SMG7: variants seen among roughly 807,000 people sequenced by gnomAD.
SMG7 encodes the protein SMG7 nonsense mediated mRNA decay factor, also known as nonsense-mediated mRNA decay factor SMG7.
In SMG7, 34 loss-of-function variants were observed where a neutral mutation model predicts 148.2. The observed-to-expected ratio is 0.23, with a 90% CI of 0.17 to 0.31. The LOEUF (loss-of-function observed/expected upper bound fraction) is 0.31, where lower values mean the gene tolerates loss of function less well. Ranked by LOEUF, SMG7 falls within the 10% of genes least tolerant of loss-of-function variation. The pLI, the probability that SMG7 is intolerant of heterozygous loss-of-function variation, is 1.00. For missense variants in SMG7, 1,114 were observed against 1,408.4 expected (o/e 0.79, Z 3.35); for synonymous variants, 492 against 515.1 (o/e 0.96, Z 0.61).
intron 7 of SMG7, 116 bp downstream of exon 7, chr1:183,529,158 CAT>C (rs2102601653): frequency 9.5e-7 from 1 of 1,054,224 alleles, no homozygotes; most frequent in Non-Finnish European, 1.4e-6. Context: ...TATTTCTAAA[CAT>C]ATAGATTTTT....
At chr1:183,480,750 A>C (rs1653895280) in intron 1 of SMG7, among the ~76,000 whole-genome samples, 1 of 152,196 alleles carries the variant, frequency 6.6e-6, no homozygotes, top group Non-Finnish European at 1.5e-5. Flanking sequence ...GTTTAGCATC[A>C]AGATTTCATG....
intron 10 of SMG7, 50 bp from the exon 11 acceptor site, chr1:183,537,095 T>C (rs187449416): frequency 3.8e-5 from 49 of 1,303,804 alleles, no homozygotes; most frequent in Non-Finnish European, 4.9e-5. Context: ...ATTAGTGTTC[T>C]GGTTTCTCTT....
chr1:183,499,454 G>A (rs926552172), intron 1 of SMG7, among the ~76,000 whole-genome samples: 5 of 152,132 alleles, frequency 3.3e-5, no homozygotes, highest in East Asian at 1.9e-4. Context: ...TAGTGTAGTC[G>A]TAGATCATTA....
At chr1:183,501,926 T>G (rs1659821082) in intron 1 of SMG7, among the ~76,000 whole-genome samples, 1 of 152,216 alleles carries the variant, frequency 6.6e-6, no homozygotes, top group Admixed American at 6.5e-5. Context: ...TCTGCTTCTG[T>G]GTTCTACAGG....
At chr1:183,526,538 AACT>A in intron 4 of SMG7, 55 bp from the exon 5 acceptor site, 3 of 1,174,990 alleles carry the variant, frequency 2.6e-6, no homozygotes, top group Non-Finnish European at 3.7e-6. Context: ...ACAGTTTATA[AACT>A]TTACTTTTAG....
chr1:183,482,457 A>G (rs572896979), intron 1 of SMG7, among the ~76,000 whole-genome samples: 1 of 152,058 alleles, frequency 6.6e-6, no homozygotes, highest in South Asian at 2.1e-4. Context: ...AAAAATAGCT[A>G]TTTGGAACAT....
rs1309808966 is a variant in SMG7 at position 183,542,500 on chromosome 1, C to A, written c.1840C>A (p.Gln614Lys). ...QETGKQNVAVQVKSQTELRKT... is the reference protein window; with the variant it reads ...QETGKQNVAVKVKSQTELRKT... ...AACAGGAAAGCAGAATGTGGCAGTG[C>A]AGGTAAGCTGTATTTGAACTATAAA... The change falls in exon 14 of 23, where the codon CAG becomes AAG. Residue 614 changes from glutamine to lysine, a missense_variant and splice_region_variant. Physicochemically the swap from Gln to Lys is moderately conservative, Grantham distance 53 (BLOSUM62 1). Coordinates refer to ENST00000688051, the MANE Select transcript of SMG7 (RefSeq NM_001375584.1). 3 of 1,610,524 alleles carry A rather than the reference C, an allele frequency of 1.9e-6. No homozygotes were observed. Among genetic ancestry groups the A allele is most frequent in the Non-Finnish European group, 2.5e-6 (3 of 1,178,472 alleles).
At chr1:183,472,710 A>G in intron 1 of SMG7, 61 bp downstream of exon 1, 1 of 1,379,876 alleles carries the variant, frequency 7.2e-7, no homozygotes, top group Non-Finnish European at 9.5e-7. Flanking sequence ...GGCATGGAGC[A>G]ACAGACACCG....
chr1:183,511,838 T>C (rs908745284), intron 1 of SMG7, among the ~76,000 whole-genome samples: 1 of 152,186 alleles, frequency 6.6e-6, no homozygotes, highest in Non-Finnish European at 1.5e-5. Context: ...ATTCAAGATA[T>C]AGTTAGTAGA....
At chr1:183,494,722 C>T (rs1304051862) in intron 1 of SMG7, among the ~76,000 whole-genome samples, 2 of 98,088 alleles carry the variant, frequency 2.0e-5, no homozygotes, top group Admixed American at 1.0e-4. Context: ...TCTGGCTTGT[C>T]TTTTTTCTGA....
At chr1:183,517,653 C>T in intron 3 of SMG7, 35 bp from the exon 4 acceptor site, 4 of 1,612,136 alleles carry the variant, frequency 2.5e-6, no homozygotes, top group Non-Finnish European at 3.4e-6. Context: ...CAGTGAGTCA[C>T]TGCTATACCA....
intron 1 of SMG7, among the ~76,000 whole-genome samples, chr1:183,498,902 C>T (rs1015075713): frequency 6.6e-6 from 1 of 152,196 alleles, no homozygotes; most frequent in Non-Finnish European, 1.5e-5. Flanking sequence ...CTTTGCTCCA[C>T]CTGTTCATTC....
At chr1:183,481,716 G>A (rs1352534317) in intron 1 of SMG7, among the ~76,000 whole-genome samples, 2 of 152,180 alleles carry the variant, frequency 1.3e-5, no homozygotes, top group African/African-American at 4.8e-5. Context: ...TAAATACAGT[G>A]TGAAATGTTT....
intron 1 of SMG7, among the ~76,000 whole-genome samples, chr1:183,498,797 C>G (rs1659123779): frequency 6.6e-6 from 1 of 152,164 alleles, no homozygotes; most frequent in Non-Finnish European, 1.5e-5. Context: ...ATAGTTCACT[C>G]TTGGTGTTGT....
At chr1:183,503,079 C>T (rs1302745983) in intron 1 of SMG7, among the ~76,000 whole-genome samples, 1 of 152,314 alleles carries the variant, frequency 6.6e-6, no homozygotes, top group African/African-American at 2.4e-5. Context: ...GGGTGGAACC[C>T]AAGCTCTGCC....
rs761953616 is a variant in SMG7, at chr1:183,549,792, A to G, written c.3002A>G (p.Asn1001Ser). ...QERYPNNSMF[N>S]EVYGKNLTSS... ...AGATACCCAAATAATAGTATGTTCA[A>G]TGAGGTATATGGGAAAAACCTGACA... is the stretch of plus-strand genomic sequence containing the variant. The change falls in exon 20 of 23, where the codon AAT becomes AGT. Residue 1001 changes from asparagine (N) to serine (S), a missense_variant. Coordinates refer to ENST00000688051, the MANE Select transcript of SMG7 (RefSeq NM_001375584.1). The G allele has an allele frequency of 3.1e-6, 5 of 1,613,850 alleles. No homozygotes were observed. The highest frequency in any genetic ancestry group is 1.3e-5 in the African/African-American group (1 of 75,024).
intron 1 of SMG7, among the ~76,000 whole-genome samples, chr1:183,494,457 C>G (rs1657895935): frequency 6.7e-6 from 1 of 149,756 alleles, no homozygotes; most frequent in South Asian, 2.1e-4. Context: ...CATATATTTA[C>G]TATTTCTGGC....
intron 1 of SMG7, among the ~76,000 whole-genome samples, chr1:183,480,738 GC>G (rs1252967128): frequency 1.3e-5 from 2 of 152,154 alleles, no homozygotes; most frequent in Non-Finnish European, 2.9e-5. Flanking sequence ...GAGCTCTGTT[GC>G]GTTTAGCATC....
intron 14 of SMG7, among the ~76,000 whole-genome samples, chr1:183,543,172 A>T (rs1393534231): frequency 6.6e-6 from 1 of 152,102 alleles, no homozygotes; most frequent in African/African-American, 2.4e-5. Context: ...AATAGAAAAG[A>T]TGGTTTCATG....
Sources: gnomAD v4.1 joint callset for allele counts (sites outside exome capture counted in the v4.1 genomes callset) on GRCh38, gnomAD v4.1.1 for gene constraint, MANE v1.5 for transcripts, NCBI Gene and HGNC (gene_info 2026-07-23, HGNC 2026-07-21) for gene names.